The following VTI1A variants were observed in gnomAD, a reference collection of about 807,000 sequenced individuals.
VTI1A encodes vesicle transport through interaction with t-SNAREs 1A.
A neutral mutation model predicts 34.9 loss-of-function variants in VTI1A; 22 were observed. That is an observed-to-expected ratio of 0.63 (90% CI 0.45 to 0.90). The LOEUF is 0.90. Among genes scored for constraint, VTI1A ranks in the 40% least tolerant of loss-of-function variants. The probability of loss-of-function intolerance (pLI) is 0.00; values close to 1 mark genes in which losing one functional copy is unlikely to be tolerated. For missense variants in VTI1A, 268 were observed against 275.6 expected (o/e 0.97, Z 0.20); for synonymous variants, 87 against 97.3 (o/e 0.89, Z 0.62).
intron 7 of VTI1A, among the ~76,000 whole-genome samples, chr10:112,780,725 G>C (rs990236586): frequency 6.6e-6 from 1 of 151,980 alleles, no homozygotes; most frequent in South Asian, 2.1e-4. Flanking sequence ...AAAGCCACAT[G>C]GCTGATAGAA....
chr10:112,462,485 T>A (rs1310037305), intron 2 of VTI1A, among the ~76,000 whole-genome samples: 4 of 152,258 alleles, frequency 2.6e-5, no homozygotes, highest in African/African-American at 9.6e-5. Context: ...GTATTTTTGC[T>A]GTTATTTTTC....
chr10:112,657,685 T>C (rs904439503), intron 5 of VTI1A, among the ~76,000 whole-genome samples: 1 of 152,178 alleles, frequency 6.6e-6, no homozygotes, highest in Non-Finnish European at 1.5e-5. Context: ...CAAATCTTCA[T>C]TGGCATGAAG....
intron 5 of VTI1A, among the ~76,000 whole-genome samples, chr10:112,593,162 T>C (rs944581627): frequency 6.6e-6 from 1 of 152,214 alleles, no homozygotes; most frequent in Non-Finnish European, 1.5e-5. Flanking sequence ...ACCAGTAGTT[T>C]TCAACCCTCG....
chr10:112,520,597 G>A (rs1011805320), intron 3 of VTI1A, among the ~76,000 whole-genome samples: 1 of 149,014 alleles, frequency 6.7e-6, no homozygotes, highest in Admixed American at 6.7e-5. Context: ...CATATGGATT[G>A]CAAATGGGTT....
intron 3 of VTI1A, among the ~76,000 whole-genome samples, chr10:112,494,963 G>T (rs192397457): frequency 5.3e-5 from 8 of 152,184 alleles, no homozygotes; most frequent in Admixed American, 5.2e-4. Context: ...TTGAAAACAG[G>T]CTTGGGAAGC....
chr10:112,722,551 G>A (rs889340059), intron 7 of VTI1A, among the ~76,000 whole-genome samples: 1 of 152,000 alleles, frequency 6.6e-6, no homozygotes, highest in African/African-American at 2.4e-5. Flanking sequence ...TTTGATATGA[G>A]CCTGCAACAT....
Position 112,780,307 on chromosome 10 carries a change from A to AATAAATAAATAC in VTI1A, c.561-34972_561-34971insCATAAATAAATA, listed in dbSNP as rs1554961543. ...AAATAAATAAATAAATAAATAAATA[A>AATAAATAAATAC]ATAAATAAATAAATAAAATAATAAC... On this transcript the variant is annotated intron_variant, in intron 7 of 7. Transcript: ENST00000393077. 6.7e-5 allele frequency among the ~76,000 whole-genome samples: 10 copies of AATAAATAAATAC among 149,792 alleles called. No homozygotes were observed. In the South Asian group the frequency reaches 1.9e-3, roughly 28 times the overall value.
In VTI1A at chr10:112,541,999, T is replaced by G. The variant is rs192494229; in HGVS notation, c.427+3669T>G. On this transcript the variant is annotated intron_variant, in intron 5 of 7. Coordinates refer to ENST00000393077, the MANE Select transcript of VTI1A (RefSeq NM_145206.4). ...TGTGAATAAAAAGCAGCTCTTTTTT[T>G]TTGTTGTTGTTACTATTAATAGTCA... is the stretch of plus-strand genomic sequence containing the variant. Among the ~76,000 whole-genome samples, 433 of 152,316 alleles carry G rather than the reference T, an allele frequency of 2.8e-3. 6 individuals carry two copies. In the South Asian group the frequency reaches 0.044, roughly 15 times the overall value.
intron 3 of VTI1A, among the ~76,000 whole-genome samples, chr10:112,495,765 C>T (rs1272594749): frequency 3.3e-5 from 5 of 151,958 alleles, no homozygotes; most frequent in Admixed American, 2.6e-4. Context: ...CGACCAAGCT[C>T]GCAGGAATTG....
At chr10:112,527,271 T>G in intron 4 of VTI1A, 107 bp downstream of exon 4, 1 of 881,308 alleles carries the variant, frequency 1.1e-6, no homozygotes, top group Non-Finnish European at 1.8e-6. Context: ...GCAACTCATG[T>G]GGAAGCGATA....
At chr10:112,834,503 G>A in the VTI1A span, among the ~76,000 whole-genome samples, 1 of 152,274 alleles carries the variant, frequency 6.6e-6, no homozygotes, top group African/African-American at 2.4e-5. Context: ...TCCATGCAAA[G>A]AACCCTCTCA....
chr10:112,772,476 T>C (rs1851840664), intron 7 of VTI1A, among the ~76,000 whole-genome samples: 1 of 152,234 alleles, frequency 6.6e-6, no homozygotes, highest in African/African-American at 2.4e-5. Flanking sequence ...GCAAACATGT[T>C]CTCCTATTCT....
At chr10:112,690,582 G>A (rs913125325) in intron 7 of VTI1A, among the ~76,000 whole-genome samples, 2 of 152,174 alleles carry the variant, frequency 1.3e-5, no homozygotes, top group African/African-American at 4.8e-5. Flanking sequence ...AGCAGGGTGT[G>A]ACAGTTAAGA....
Position 112,815,785 on chromosome 10 carries a change from C to T in VTI1A, c.*402C>T, listed in dbSNP as rs1853504528. On this transcript the variant is annotated 3_prime_UTR_variant, in exon 8 of 8. Coordinates refer to ENST00000393077, the MANE Select transcript of VTI1A (RefSeq NM_145206.4). ...CGCCTCTTGTTGCTGAAAAGCTCTT[C>T]TGTGATGTCTGAGGATAAAAATGCA... 7.4e-6 allele frequency: 2 copies of T among 270,730 alleles called. No individual in the cohort carries two copies. Among genetic ancestry groups the T allele is most frequent in the Non-Finnish European group, 1.4e-5 (2 of 141,052 alleles). 16.8% of individuals were successfully genotyped at this position (270,730 alleles called of 1,614,324 possible).
intron 3 of VTI1A, among the ~76,000 whole-genome samples, chr10:112,498,359 C>T (rs1849101824): frequency 6.6e-6 from 1 of 152,062 alleles, no homozygotes; most frequent in African/African-American, 2.4e-5. Context: ...TCTGTGACAG[C>T]ATTAAAGTTG....
At chr10:112,672,760 G>A (rs1019329028) in intron 7 of VTI1A, 1 of 152,128 alleles carries the variant, frequency 6.6e-6, no homozygotes, top group Non-Finnish European at 1.5e-5. Context: ...CGTTCAAACT[G>A]TCGGCAATCT....
chr10:112,459,986 C>CCA (rs1847677443), intron 1 of VTI1A, among the ~76,000 whole-genome samples: 1 of 152,076 alleles, frequency 6.6e-6, no homozygotes. Context: ...GCCCAGGATC[C>CCA]CATAACCATT....
chr10:112,524,334 T>C lies in VTI1A; in HGVS notation c.265-2753T>C, dbSNP rs184676852. On this transcript the variant is annotated intron_variant, in intron 3 of 7. Transcript: ENST00000393077. ...CATATAAAGAGTTCAGTTTTCAGCA[T>C]TGTTGTGTCGTGCTCATGAGGAACT... Among the ~76,000 whole-genome samples, 18 of 152,208 alleles carry C rather than the reference T, an allele frequency of 1.2e-4. No individual in the cohort carries two copies. The East Asian group carries it at 3.3e-3, about 28-fold the overall frequency.
At chr10:112,822,825 TATTC>T (rs1003057894), downstream of VTI1A, among the ~76,000 whole-genome samples, 1 of 152,204 alleles carries the variant, frequency 6.6e-6, no homozygotes, top group Non-Finnish European at 1.5e-5. Context: ...TAAGCAGATT[TATTC>T]ATTCATTCAT....
Sources: gnomAD v4.1 joint callset for allele counts (sites outside exome capture counted in the v4.1 genomes callset) on GRCh38, gnomAD v4.1.1 for gene constraint, MANE v1.5 for transcripts, NCBI Gene and HGNC (gene_info 2026-07-23, HGNC 2026-07-21) for gene names.